The following HPX variants were observed in gnomAD, a reference collection of about 807,000 sequenced individuals.
The protein encoded by HPX is beta-1B-glycoprotein.
In HPX, 42 loss-of-function variants were observed where a neutral mutation model predicts 53.8. That is an observed-to-expected ratio of 0.78 (90% CI 0.61 to 1.01). The LOEUF is 1.01. HPX is among the 50% of genes least tolerant of loss of function. HPX has a pLI of 0.00. For missense variants in HPX, 547 were observed against 594.3 expected (o/e 0.92, Z 0.83); for synonymous variants, 229 against 221.1 (o/e 1.04, Z -0.32).
At chr11:6,439,846 A>G (rs1849461301) in intron 4 of HPX, 5 of 380,668 alleles carry the variant, frequency 1.3e-5, no homozygotes, top group South Asian at 2.2e-5. Flanking sequence ...GCCTTGCCCT[A>G]TGAAGAGGAC....
At chr11:6,440,590 A>C (rs750501692) in intron 2 of HPX, 52 bp from the exon 3 acceptor site, 15 of 1,408,632 alleles carry the variant, frequency 1.1e-5, no homozygotes, top group East Asian at 4.6e-5. Context: ...AAAAAAAAAA[A>C]AAAAAAAAAA....
In HPX at chr11:6,438,851, T is replaced by TATTC. The variant is rs1342874318; in HGVS notation, c.337-346_337-343dup. ...TTCTTCATTCATTTCTTCATTTATTTATTCATTCATTCATTCATCCAAGAA... is the reference window on the plus strand; with the variant it reads ...TTCTTCATTCATTTCTTCATTTATTTATTCATTCATTCATTCATTCATCCAAGAA... On this transcript the variant is annotated intron_variant, in intron 4 of 9. Transcript: ENST00000265983. Among the ~76,000 whole-genome samples, 7 of 151,760 alleles carry TATTC rather than the reference T, an allele frequency of 4.6e-5. No individual in the cohort carries two copies. In the East Asian group the frequency reaches 7.7e-4, roughly 17 times the overall value.
intron 3 of HPX, 44 bp downstream of exon 3, chr11:6,440,423 A>AGTAAGTC: frequency 6.3e-7 from 1 of 1,590,878 alleles, no homozygotes; most frequent in Non-Finnish European, 8.6e-7. Context: ...TGTGAAGGAG[A>AGTAAGTC]GTAAGTCTAA....
intron 4 of HPX, chr11:6,439,709 T>G: frequency 4.9e-6 from 1 of 204,238 alleles, no homozygotes; most frequent in Non-Finnish European, 1.0e-5. Context: ...TTTGGCAAGG[T>G]AGGAAAAGGC....
rs1849429945 is a variant in HPX at position 6,437,455 on chromosome 11, G to T, written c.688C>A (p.Pro230Thr). ...YPRDVRDYFM[P>T]CPGRGHGHRN... is the part of the protein sequence containing the mutation. ...GCTTTCTCACCTCTGCCAGGGCAGG[G>T]CATGAAGTAGTCTCGGACATCCCGC... The change falls in exon 6 of 10, where the codon CCC becomes ACC. Residue 230 changes from proline to threonine, a missense_variant. Coordinates refer to ENST00000265983, the MANE Select transcript of HPX (RefSeq NM_000613.3). 6.2e-7 allele frequency: 1 copy of T among 1,613,458 alleles called. No homozygotes were observed. The highest frequency in any genetic ancestry group is 1.3e-5 in the African/African-American group (1 of 75,040).
chr11:6,438,807 G>A (rs950535042), intron 4 of HPX, among the ~76,000 whole-genome samples: 2 of 152,126 alleles, frequency 1.3e-5, no homozygotes, highest in Admixed American at 1.3e-4. Flanking sequence ...TGTTCATCCT[G>A]CAATCACCCA....
At chr11:6,440,075 T>C (rs758465332) in intron 4 of HPX, 90 bp downstream of exon 4, 7 of 1,529,448 alleles carry the variant, frequency 4.6e-6, no homozygotes, top group Non-Finnish European at 5.4e-6. Context: ...CCTATTGCTA[T>C]GGGCTCCATG....
At chr11:6,435,474 G>GT (rs1268624525) in intron 7 of HPX, among the ~76,000 whole-genome samples, 32 of 150,742 alleles carry the variant, frequency 2.1e-4, no homozygotes, top group African/African-American at 5.4e-4. Flanking sequence ...TTTTGTTTTT[G>GT]TTTTTTTTGA....
At chr11:6,438,313 A>G (rs1590805611) in intron 5 of HPX, 43 bp downstream of exon 5, 1 of 1,602,518 alleles carries the variant, frequency 6.2e-7, no homozygotes, top group East Asian at 2.2e-5. Context: ...ATCACTACCA[A>G]CCCACCACTA....
chr11:6,437,741 G>A (rs1007752426), intron 5 of HPX, 89 bp from the exon 6 acceptor site: 3 of 939,544 alleles, frequency 3.2e-6, no homozygotes, highest in Admixed American at 3.8e-5. Context: ...GCCAGATAAT[G>A]GTACTGACCA....
Position 6,437,659 on chromosome 11 carries a change from C to T in HPX, c.491-7G>A, listed in dbSNP as rs1253535691. 1 of 1,613,082 alleles carries T rather than the reference C, an allele frequency of 6.2e-7. No individual in the cohort carries two copies. The highest frequency in any genetic ancestry group is 1.3e-5 in the African/African-American group (1 of 75,026). On this transcript the variant is annotated splice_polypyrimidine_tract_variant and splice_region_variant and intron_variant, in intron 5 of 9. Coordinates refer to ENST00000265983, the MANE Select transcript of HPX (RefSeq NM_000613.3). ...CAGAACCACTCGCGGTCACCTTTGT[C>T]CAATCAATCAACAGGCATTTGGTGA... is the stretch of plus-strand genomic sequence containing the variant.
intron 7 of HPX, among the ~76,000 whole-genome samples, chr11:6,434,262 G>T (rs1849388294): frequency 6.6e-6 from 1 of 152,144 alleles, no homozygotes; most frequent in Non-Finnish European, 1.5e-5. Context: ...AGCGGTGACT[G>T]ACATATCCAC....
intron 7 of HPX, among the ~76,000 whole-genome samples, chr11:6,434,333 A>AT (rs1825716192): frequency 6.6e-6 from 1 of 151,820 alleles, no homozygotes; most frequent in African/African-American, 2.4e-5. Context: ...ATTTTATTTT[A>AT]TTTATTTGTT....
intron 7 of HPX, among the ~76,000 whole-genome samples, chr11:6,435,303 G>A (rs7123623): frequency 0.29 from 43,303 of 151,514 alleles, 7,162 homozygotes; most frequent in African/African-American, 0.46. Flanking sequence ...CAACAAAACT[G>A]TGAGTCAGAG....
intron 4 of HPX, 55 bp from the exon 5 acceptor site, chr11:6,438,564 GCATTTACACA>G: frequency 6.7e-7 from 1 of 1,495,568 alleles, no homozygotes; most frequent in African/African-American, 1.4e-5. Flanking sequence ...CTGCCACTCT[GCATTTACACA>G]CATTTTTTAT....
At position 6,436,104 on chromosome 11, in the gene HPX, G is replaced by A. The variant is rs59794998; in HGVS notation, c.835+942C>T. On this transcript the variant is annotated intron_variant, in intron 7 of 9. Transcript: ENST00000265983. ...TGTTGTATTTTCACTACAGGTGTGTGTTTCATCTTAGCTGTATGTTCTTAT... is the reference window on the plus strand; with the variant it reads ...TGTTGTATTTTCACTACAGGTGTGTATTTCATCTTAGCTGTATGTTCTTAT... 4.3e-3 allele frequency among the ~76,000 whole-genome samples: 661 copies of A among 152,258 alleles called. 8 individuals are homozygous for A. The highest frequency in any genetic ancestry group is 0.015 in the African/African-American group (638 of 41,518).
chr11:6,432,101 A>T, intron 7 of HPX, 84 bp from the exon 8 acceptor site: 24 of 1,516,302 alleles, frequency 1.6e-5, no homozygotes, highest in Non-Finnish European at 2.2e-5. Flanking sequence ...GAAATGAGTC[A>T]TGAGAGGGAG....
chr11:6,431,097 G>A lies in HPX; in HGVS notation c.*114C>T, dbSNP rs1171408244. 2.5e-5 allele frequency: 35 copies of A among 1,395,920 alleles called. No homozygotes were observed. The highest frequency in any genetic ancestry group is 3.3e-5 in the Non-Finnish European group (34 of 1,036,368). 86.5% of individuals were successfully genotyped at this position (1,395,920 alleles called of 1,614,324 possible). Reference sequence around the variant, plus strand: ...TTTATTATGAGAAACTGGGGAGGTGGGGCCAGGCCAGACTCATGTCAGAAG... The same window carrying A: ...TTTATTATGAGAAACTGGGGAGGTGAGGCCAGGCCAGACTCATGTCAGAAG... On this transcript the variant is annotated 3_prime_UTR_variant, in exon 10 of 10. Transcript: ENST00000265983.
At position 6,431,941 on chromosome 11, in the gene HPX, A is replaced by G. The variant is rs780041679; in HGVS notation, c.912T>C (p.Gly304=). 6.2e-7 allele frequency: 1 copy of G among 1,614,132 alleles called. No homozygotes were observed. Among genetic ancestry groups the G allele is most frequent in the Non-Finnish European group, 8.5e-7 (1 of 1,180,022 alleles). Residue 304 remains glycine, a synonymous_variant, in exon 8 of 10, where the codon GGT becomes GGC. Coordinates refer to ENST00000265983, the MANE Select transcript of HPX (RefSeq NM_000613.3). ...SWPIAHQWPQ[G]PSAVDAAFSW... The stretch of plus-strand genomic sequence containing the variant: ...AAAAGGCAGCATCCACTGCTGAAGG[A>G]CCCTGGGGCCACTGATGAGCAATGG...
Sources: allele counts gnomAD v4.1 joint callset (sites outside exome capture counted in the v4.1 genomes callset), GRCh38; gene constraint gnomAD v4.1.1; transcripts MANE v1.5; gene names NCBI Gene and HGNC (gene_info 2026-07-23, HGNC 2026-07-21).